CLSTN2: variants seen among roughly 807,000 people sequenced by gnomAD.
CLSTN2 encodes the protein calsyntenin-2.
In CLSTN2, 48 loss-of-function variants were observed where a neutral mutation model predicts 101.2. That is an observed-to-expected ratio of 0.47 (90% CI 0.38 to 0.60). The LOEUF (loss-of-function observed/expected upper bound fraction) is 0.60, where lower values mean the gene tolerates loss of function less well. CLSTN2 is among the 20% of genes least tolerant of loss of function. The pLI is 0.00. For missense variants in CLSTN2, 1,160 were observed against 1,238.2 expected (o/e 0.94, Z 0.95); for synonymous variants, 481 against 463.6 (o/e 1.04, Z -0.48).
At chr3:140,108,886 A>C (rs921866289) in intron 1 of CLSTN2, among the ~76,000 whole-genome samples, 10 of 152,166 alleles carry the variant, frequency 6.6e-5, no homozygotes, top group Non-Finnish European at 1.2e-4. Context: ...CCTGCTAGGT[A>C]CCCGGCACTG....
chr3:140,491,013 C>T (rs1050372143), intron 8 of CLSTN2, among the ~76,000 whole-genome samples: 6 of 152,306 alleles, frequency 3.9e-5, no homozygotes, highest in African/African-American at 1.4e-4. Flanking sequence ...AAGATTTTAG[C>T]ACGGTGTCAA....
At chr3:140,539,427 G>A (rs1315005802) in intron 9 of CLSTN2, among the ~76,000 whole-genome samples, 3 of 152,156 alleles carry the variant, frequency 2.0e-5, no homozygotes, top group Non-Finnish European at 2.9e-5. Context: ...AAAGTTCAGT[G>A]AATCATGTCT....
intron 1 of CLSTN2, among the ~76,000 whole-genome samples, chr3:140,029,126 A>G (rs2007493342): frequency 6.6e-6 from 1 of 152,108 alleles, no homozygotes; most frequent in Non-Finnish European, 1.5e-5. Flanking sequence ...CTTAAAATTG[A>G]GTCTACTTCC....
intron 2 of CLSTN2, among the ~76,000 whole-genome samples, chr3:140,220,855 C>T (rs1021304187): frequency 2.6e-5 from 4 of 151,952 alleles, no homozygotes; most frequent in Non-Finnish European, 4.4e-5. Context: ...TCTATGTGCC[C>T]GGGACTGTGT....
At chr3:140,562,533 G>C (rs774338601) in intron 13 of CLSTN2, among the ~76,000 whole-genome samples, 3 of 152,164 alleles carry the variant, frequency 2.0e-5, no homozygotes, top group Non-Finnish European at 4.4e-5. Context: ...TTCTTTTGTA[G>C]AAGCTAGGTG....
chr3:140,273,466 T>C (rs1408289270), intron 2 of CLSTN2, among the ~76,000 whole-genome samples: 2 of 152,182 alleles, frequency 1.3e-5, no homozygotes, highest in African/African-American at 4.8e-5. Flanking sequence ...GCTGAAGAAA[T>C]GAAAGCTTCA....
chr3:140,290,524 G>C (rs1226452598), intron 2 of CLSTN2, among the ~76,000 whole-genome samples: 1 of 152,162 alleles, frequency 6.6e-6, no homozygotes, highest in South Asian at 2.1e-4. Flanking sequence ...TGAGGAAAAG[G>C]AGGAGGTAGG....
intron 8 of CLSTN2, among the ~76,000 whole-genome samples, chr3:140,477,471 A>C (rs1934012115): frequency 1.3e-5 from 2 of 152,200 alleles, no homozygotes; most frequent in South Asian, 4.1e-4. Flanking sequence ...GTTAACCAGA[A>C]ACATATTACA....
At chr3:140,175,255 T>C (rs2010305783) in intron 1 of CLSTN2, among the ~76,000 whole-genome samples, 4 of 152,196 alleles carry the variant, frequency 2.6e-5, no homozygotes, top group Admixed American at 2.6e-4. Flanking sequence ...ATATTTGATA[T>C]GTGTTTTCAT....
intron 1 of CLSTN2, among the ~76,000 whole-genome samples, chr3:140,079,325 A>G (rs2107780319): frequency 6.6e-6 from 1 of 152,320 alleles, no homozygotes; most frequent in South Asian, 2.1e-4. Flanking sequence ...AACGATATTC[A>G]TATTAATATC....
chr3:140,049,892 A>G (rs1391251216), intron 1 of CLSTN2, among the ~76,000 whole-genome samples: 1 of 152,082 alleles, frequency 6.6e-6, no homozygotes, highest in African/African-American at 2.4e-5. Context: ...TCTCTTCTCT[A>G]CTTTCTCTAT....
intron 1 of CLSTN2, among the ~76,000 whole-genome samples, chr3:140,007,373 G>A (rs1052271492): frequency 6.6e-5 from 10 of 152,216 alleles, no homozygotes; most frequent in African/African-American, 2.4e-4. Flanking sequence ...TGTGCTGGCA[G>A]CTGGTGTGGT....
At chr3:139,967,986 T>A (rs1440900889) in intron 1 of CLSTN2, among the ~76,000 whole-genome samples, 1 of 152,068 alleles carries the variant, frequency 6.6e-6, no homozygotes, top group Non-Finnish European at 1.5e-5. Context: ...TATATGTGTG[T>A]CTGTGTGTGT....
chr3:140,048,168 A>G (rs2007918326), intron 1 of CLSTN2, among the ~76,000 whole-genome samples: 2 of 152,218 alleles, frequency 1.3e-5, no homozygotes, highest in African/African-American at 4.8e-5. Context: ...GGAAGCTGAT[A>G]TTTCTTGCCT....
intron 2 of CLSTN2, among the ~76,000 whole-genome samples, chr3:140,319,527 A>G (rs1287044536): frequency 6.6e-6 from 1 of 152,174 alleles, no homozygotes; most frequent in African/African-American, 2.4e-5. Context: ...CCGTACACCA[A>G]TTTGCTTCTT....
intron 2 of CLSTN2, among the ~76,000 whole-genome samples, chr3:140,185,559 T>A (rs1216760438): frequency 1.3e-5 from 2 of 152,168 alleles, no homozygotes; most frequent in African/African-American, 4.8e-5. Context: ...CCAACTGTGA[T>A]TGGGCCAGGG....
chr3:140,134,037 A>G (rs2009562808), intron 1 of CLSTN2, among the ~76,000 whole-genome samples: 1 of 152,146 alleles, frequency 6.6e-6, no homozygotes. Context: ...CAGAGCTTGG[A>G]TGGAATATCT....
At chr3:140,389,263 T>G (rs1468041042) in intron 2 of CLSTN2, among the ~76,000 whole-genome samples, 1 of 152,180 alleles carries the variant, frequency 6.6e-6, no homozygotes, top group Non-Finnish European at 1.5e-5. Context: ...CCACATGCAT[T>G]AGATATTTAT....
rs80113543 is a variant in CLSTN2 at position 140,092,969 on chromosome 3, T to C, written c.110-82982T>C. ...GAGTGGATGGAGGGTGCTGATCAGC[T>C]TTTTTGGAAGCCACTAGATTTATCT... On this transcript the variant is annotated intron_variant, in intron 1 of 16. Transcript: ENST00000458420. Among the ~76,000 whole-genome samples the C allele has an allele frequency of 1.1e-3, 169 of 152,232 alleles. 1 individual carries two copies. Among genetic ancestry groups the C allele is most frequent in the African/African-American group, 3.7e-3 (154 of 41,558 alleles).
Sources: gnomAD v4.1 joint callset for allele counts (sites outside exome capture counted in the v4.1 genomes callset) on GRCh38, gnomAD v4.1.1 for gene constraint, MANE v1.5 for transcripts, NCBI Gene and HGNC (gene_info 2026-07-23, HGNC 2026-07-21) for gene names.